PAK4: variants seen among roughly 807,000 people sequenced by gnomAD.
PAK4 encodes serine/threonine-protein kinase PAK 4.
PAK4 carries 49 observed loss-of-function variants against 53.5 expected under a neutral mutation model. The ratio of observed to expected loss-of-function variants is 0.92; its 90% CI spans 0.73 to 1.16. The LOEUF (loss-of-function observed/expected upper bound fraction) is 1.16. PAK4 is among the 50% of genes most tolerant of loss of function. The pLI is 0.00. For missense variants in PAK4, 824 were observed against 850.7 expected (o/e 0.97, Z 0.39); for synonymous variants, 376 against 375.6 (o/e 1.00, Z -0.01).
chr19:39,130,977 G>A (rs1347226761), intron 1 of PAK4, among the ~76,000 whole-genome samples: 5 of 151,870 alleles, frequency 3.3e-5, no homozygotes, highest in South Asian at 2.1e-4. Context: ...ATGGAGGAGC[G>A]TCCTCGTGCC....
At chr19:39,138,323 G>A (rs2073854383) in intron 1 of PAK4, among the ~76,000 whole-genome samples, 1 of 152,140 alleles carries the variant, frequency 6.6e-6, no homozygotes, top group East Asian at 1.9e-4. Flanking sequence ...AAAGTGCTGG[G>A]ATTACAGGCA....
At chr19:39,132,115 G>C (rs1410926060) in intron 1 of PAK4, among the ~76,000 whole-genome samples, 1 of 152,248 alleles carries the variant, frequency 6.6e-6, no homozygotes, top group Non-Finnish European at 1.5e-5. Flanking sequence ...AGGCACGCGT[G>C]TGCTGTGAGT....
Position 39,178,967 on chromosome 19 carries a change from T to TGC in PAK4, c.*389_*390insCG, listed in dbSNP as rs1019519971. 2.5e-5 allele frequency: 4 copies of TGC among 162,912 alleles called. No homozygotes were observed. The highest frequency in any genetic ancestry group is 9.6e-5 in the African/African-American group (4 of 41,638). The allele number at this position is 162,912 out of a possible 1,614,324, so 10.1% of individuals were successfully genotyped here. A position where few individuals can be genotyped will look rare whatever the true frequency, so the allele number is the denominator to read the frequency against. ...GCACGCGTGTGAGTGTGCATGTGTG[T>TGC]GTGTGCAAAGGTCCAGCCACCCCGT... On this transcript the variant is annotated 3_prime_UTR_variant, in exon 9 of 9. Coordinates refer to ENST00000358301, the Ensembl canonical transcript of PAK4. The surrounding 1 kb of genome is among the most constrained non-coding windows in gnomAD (Gnocchi z 4.4).
At chr19:39,128,658 G>A (rs572813672) in intron 1 of PAK4, among the ~76,000 whole-genome samples, 6 of 152,196 alleles carry the variant, frequency 3.9e-5, no homozygotes, top group South Asian at 2.1e-4. Context: ...TCCGGCCATC[G>A]TCTGGCCTGG....
At chr19:39,166,337 G>A (rs1355393557) in intron 1 of PAK4, among the ~76,000 whole-genome samples, 6 of 152,248 alleles carry the variant, frequency 3.9e-5, no homozygotes, top group Non-Finnish European at 8.8e-5. Flanking sequence ...CCAGCTACTT[G>A]GGAGGCTGAG....
At position 39,177,725 on chromosome 19, in the gene PAK4, G is replaced by GC. The variant is rs769136911; in HGVS notation, c.1542dup (p.Tyr515LeufsTer124). 4 of 1,613,586 alleles carry GC rather than the reference G, an allele frequency of 2.5e-6. No individual in the cohort carries two copies. The highest frequency in any genetic ancestry group is 3.4e-6 in the Non-Finnish European group (4 of 1,179,610). On this transcript the variant is annotated frameshift_variant, in exon 8 of 9. Transcript: ENST00000358301. LOFTEE classifies it high-confidence loss of function. ...TGGTGATTGAGATGGTGGACGGAGA[G>GC]CCCCCCTACTTCAACGAGCCACCCC...
chr19:39,176,429 C>T (rs1464372674), intron 6 of PAK4, 161 bp from the exon 8 acceptor site: 2 of 879,710 alleles, frequency 2.3e-6, no homozygotes, highest in East Asian at 4.9e-5. Flanking sequence ...GTGGAGCTCC[C>T]CATTGGTCTG....
At chr19:39,139,788 AGCTGACTGTACAGCT>A (rs1335789417) in intron 1 of PAK4, among the ~76,000 whole-genome samples, 3 of 152,222 alleles carry the variant, frequency 2.0e-5, no homozygotes, top group Non-Finnish European at 4.4e-5. Context: ...GACCATTTGA[AGCTGACTGTACAGCT>A]GTGGGGTCTG....
At chr19:39,153,045 T>A (rs774981359) in intron 1 of PAK4, among the ~76,000 whole-genome samples, 23 of 152,184 alleles carry the variant, frequency 1.5e-4, no homozygotes, top group Non-Finnish European at 2.4e-4. Context: ...GAGAATTGTA[T>A]AGATATATCA....
chr19:39,138,712 G>A (rs1205672473), intron 1 of PAK4, among the ~76,000 whole-genome samples: 3 of 152,348 alleles, frequency 2.0e-5, no homozygotes, highest in Middle Eastern at 3.4e-3. Flanking sequence ...GGACCCTGGC[G>A]GAGGGCGGGC....
intron 1 of PAK4, among the ~76,000 whole-genome samples, chr19:39,132,941 TC>T (rs2073741767): frequency 6.6e-6 from 1 of 152,256 alleles, no homozygotes; most frequent in South Asian, 2.1e-4. Context: ...ATCTTGAGCT[TC>T]CTTTTCTTGG....
intron 4 of PAK4, 125 bp from the exon 6 acceptor site, chr19:39,174,806 C>A: frequency 9.2e-7 from 1 of 1,092,450 alleles, no homozygotes; most frequent in Non-Finnish European, 1.3e-6. Context: ...GAGGGCAGTC[C>A]AGGTGGCCCC....
chr19:39,150,287 GAAA>G (rs1239441525), intron 1 of PAK4, among the ~76,000 whole-genome samples: 21 of 151,974 alleles, frequency 1.4e-4, no homozygotes, highest in Non-Finnish European at 2.8e-4. Context: ...TTGAGCTCTT[GAAA>G]AAAGAGCTCT....
At chr19:39,147,279 G>A (rs541279096) in intron 1 of PAK4, among the ~76,000 whole-genome samples, 2 of 152,074 alleles carry the variant, frequency 1.3e-5, no homozygotes, top group African/African-American at 4.8e-5. Context: ...CACCCTTTTT[G>A]CATTGACTTT....
At chr19:39,130,920 C>T (rs2073697847) in intron 1 of PAK4, among the ~76,000 whole-genome samples, 1 of 151,336 alleles carries the variant, frequency 6.6e-6, no homozygotes, top group South Asian at 2.1e-4. Context: ...GGGGAGGCTG[C>T]TGTGACAGTC....
intron 1 of PAK4, among the ~76,000 whole-genome samples, chr19:39,147,151 A>G (rs2074014625): frequency 6.6e-6 from 1 of 152,010 alleles, no homozygotes; most frequent in Admixed American, 6.6e-5. Flanking sequence ...ATACCTTCTC[A>G]TAGCTACACC....
At chr19:39,182,387 C>G (rs2074707667), downstream of PAK4, 1 of 152,224 alleles carries the variant, frequency 6.6e-6, no homozygotes, top group Non-Finnish European at 1.5e-5. Flanking sequence ...ACCATGCAGT[C>G]AGGATTCTCC....
At chr19:39,169,976 T>C (rs691180) in intron 2 of PAK4, among the ~76,000 whole-genome samples, 5,442 of 33,228 alleles carry the variant, frequency 0.16, 331 homozygotes, top group African/African-American at 0.3. Flanking sequence ...AACCTGAGCC[T>C]CCCCCACGGC....
chr19:39,174,062 C>T (rs1215488031), intron 4 of PAK4, 52 bp downstream of exon 5: 8 of 1,082,658 alleles, frequency 7.4e-6, no homozygotes, highest in South Asian at 1.6e-5. Flanking sequence ...CCCTCCCTCC[C>T]ACCCTCCCTC....
Sources: allele counts gnomAD v4.1 joint callset (sites outside exome capture counted in the v4.1 genomes callset), GRCh38; gene constraint gnomAD v4.1.1; non-coding constraint Gnocchi (gnomAD v3.1); transcripts MANE v1.5; gene names NCBI Gene and HGNC (gene_info 2026-07-23, HGNC 2026-07-21).